The following KLF12 variants were observed in gnomAD, a reference collection of about 807,000 sequenced individuals.
The protein encoded by KLF12 is Krueppel-like factor 12.
KLF12 carries 9 observed loss-of-function variants against 37.8 expected under a neutral mutation model. That is an observed-to-expected ratio of 0.24 (90% CI 0.14 to 0.42). The LOEUF is 0.42. Ranked by LOEUF, KLF12 falls within the 10% of genes least tolerant of loss-of-function variation. KLF12 has a pLI of 1.00. For missense variants in KLF12, 411 were observed against 516.0 expected, an observed-to-expected ratio of 0.80 and a Z score of 1.97; for synonymous variants, 208 against 202.1, an observed-to-expected ratio of 1.03 and a Z score of -0.25.
At chr13:74,044,718 G>A (rs925281150) in intron 1 of KLF12, among the ~76,000 whole-genome samples, 2 of 151,764 alleles carry the variant, frequency 1.3e-5, no homozygotes, top group South Asian at 2.1e-4. Flanking sequence ...AGTGGCGGGC[G>A]CCTGTAGTCC....
chr13:74,051,721 T>A (rs529644317), intron 1 of KLF12, among the ~76,000 whole-genome samples: 2 of 151,742 alleles, frequency 1.3e-5, no homozygotes, highest in African/African-American at 4.8e-5. Context: ...GAAACAGAAG[T>A]AGGATCAAGT....
chr13:73,811,222 G>A (rs1242121865), intron 5 of KLF12, among the ~76,000 whole-genome samples: 1 of 151,792 alleles, frequency 6.6e-6, no homozygotes, highest in African/African-American at 2.4e-5. Context: ...CTGACATCAT[G>A]ATCAGCCCAC....
chr13:73,768,987 T>C (rs188497138), intron 5 of KLF12, among the ~76,000 whole-genome samples: 43 of 152,308 alleles, frequency 2.8e-4, no homozygotes, highest in Non-Finnish European at 5.6e-4. Context: ...AAATTTTCCA[T>C]GTATTTAAGC....
intron 6 of KLF12, among the ~76,000 whole-genome samples, chr13:73,754,860 T>C (rs1243283531): frequency 6.6e-6 from 1 of 152,210 alleles, no homozygotes; most frequent in African/African-American, 2.4e-5. Flanking sequence ...TTTTTGAGTA[T>C]TCACAGCACA....
chr13:73,914,025 G>A (rs1888696474), intron 3 of KLF12, among the ~76,000 whole-genome samples: 2 of 152,122 alleles, frequency 1.3e-5, no homozygotes, highest in Non-Finnish European at 2.9e-5. Context: ...ATCTTTGCTG[G>A]TCGCTGGCCA....
intron 2 of KLF12, among the ~76,000 whole-genome samples, chr13:73,950,328 A>G (rs1453122793): frequency 6.6e-6 from 1 of 152,214 alleles, no homozygotes; most frequent in Non-Finnish European, 1.5e-5. Flanking sequence ...TACTATTGGC[A>G]TTTCCAAAGG....
At chr13:74,196,399 C>T in the KLF12 span, among the ~76,000 whole-genome samples, 2 of 152,076 alleles carry the variant, frequency 1.3e-5, no homozygotes, top group African/African-American at 2.4e-5. Context: ...TGGGGGAGAA[C>T]ATTTTGGGTG....
the KLF12 span, among the ~76,000 whole-genome samples, chr13:74,177,066 A>G: frequency 1.3e-5 from 2 of 152,178 alleles, no homozygotes; most frequent in African/African-American, 2.4e-5. Flanking sequence ...CTAACAGTGC[A>G]TTATTATTAA....
the KLF12 span, among the ~76,000 whole-genome samples, chr13:74,281,149 T>A: frequency 6.6e-6 from 1 of 152,190 alleles, no homozygotes; most frequent in Non-Finnish European, 1.5e-5. Context: ...AAGAATGATT[T>A]TTAAAACTCT....
intron 5 of KLF12, among the ~76,000 whole-genome samples, chr13:73,792,276 A>G (rs1881729826): frequency 6.6e-6 from 1 of 152,236 alleles, no homozygotes; most frequent in Non-Finnish European, 1.5e-5. Flanking sequence ...CTCAAAGTAT[A>G]AAAAGGTCAA....
chr13:73,927,403 G>A (rs1230927881), intron 3 of KLF12, among the ~76,000 whole-genome samples: 2 of 152,090 alleles, frequency 1.3e-5, no homozygotes, highest in Non-Finnish European at 2.9e-5. Context: ...CAGTACCTTG[G>A]TACAGGATAA....
At chr13:74,232,425 T>A in the KLF12 span, among the ~76,000 whole-genome samples, 117 of 152,346 alleles carry the variant, frequency 7.7e-4, no homozygotes, top group African/African-American at 2.7e-3. Context: ...TTGACCTTGA[T>A]AATTTATTCA....
intron 1 of KLF12, among the ~76,000 whole-genome samples, chr13:74,130,645 CAAA>C (rs5804718): frequency 1.8e-4 from 24 of 131,412 alleles, no homozygotes; most frequent in East Asian, 2.1e-4. Flanking sequence ...GACCTCAACT[CAAA>C]AAAAAAAAAA....
At chr13:73,930,272 A>T (rs550409057) in intron 3 of KLF12, among the ~76,000 whole-genome samples, 42 of 152,308 alleles carry the variant, frequency 2.8e-4, no homozygotes, top group African/African-American at 8.9e-4. Flanking sequence ...TCATTTTTTT[A>T]AAAAACGCAA....
rs1457663175 is a variant in KLF12 at position 74,133,923 on chromosome 13, A to C, written c.-216T>G. 1.3e-5 allele frequency among the ~76,000 whole-genome samples: 2 copies of C among 152,026 alleles called. No homozygotes were observed. The highest frequency in any genetic ancestry group is 4.8e-5 in the African/African-American group (2 of 41,380). The stretch of plus-strand genomic sequence containing the variant: ...CAGCGGCTCTCTGCAGTTCTCAGGA[A>C]ATGAATGGGGGGCAACCCGGGGAAC... On this transcript the variant is annotated 5_prime_UTR_variant, in exon 1 of 8. Coordinates refer to ENST00000377669, the MANE Select transcript of KLF12 (RefSeq NM_007249.5).
At chr13:73,724,695 A>G (rs1876529203) in intron 6 of KLF12, among the ~76,000 whole-genome samples, 1 of 152,240 alleles carries the variant, frequency 6.6e-6, no homozygotes. Flanking sequence ...AGGTATACCA[A>G]TATGACTCAA....
At chr13:74,105,709 T>C (rs1414547503) in intron 1 of KLF12, among the ~76,000 whole-genome samples, 2 of 152,150 alleles carry the variant, frequency 1.3e-5, no homozygotes, top group Admixed American at 6.6e-5. Flanking sequence ...GCAGAACATC[T>C]GATGGAGGAC....
intron 1 of KLF12, among the ~76,000 whole-genome samples, chr13:74,049,219 C>A (rs1893623230): frequency 6.6e-6 from 1 of 152,162 alleles, no homozygotes; most frequent in African/African-American, 2.4e-5. Flanking sequence ...GAAAATCATA[C>A]CAAGAACAGA....
At chr13:74,009,814 T>C (rs1892504213) in intron 1 of KLF12, among the ~76,000 whole-genome samples, 1 of 152,338 alleles carries the variant, frequency 6.6e-6, no homozygotes, top group Middle Eastern at 3.4e-3. Flanking sequence ...TCTCAAGTTT[T>C]AACCAGGAGC....
Sources: gnomAD v4.1 joint callset for allele counts (sites outside exome capture counted in the v4.1 genomes callset) on GRCh38, gnomAD v4.1.1 for gene constraint, MANE v1.5 for transcripts, NCBI Gene and HGNC (gene_info 2026-07-23, HGNC 2026-07-21) for gene names.